HTD2: variants seen among roughly 807,000 people sequenced by gnomAD.
HTD2 encodes the protein hydroxyacyl-thioester dehydratase type 2, mitochondrial.
In HTD2, 1 loss-of-function variant was observed where a neutral mutation model predicts 3.1. The ratio of observed to expected loss-of-function variants is 0.32; its 90% CI spans 0.11 to 1.52. The LOEUF (loss-of-function observed/expected upper bound fraction) is 1.52, where lower values mean the gene tolerates loss of function less well. HTD2 is among the 40% of genes most tolerant of loss of function. The pLI, the probability that HTD2 is intolerant of heterozygous loss-of-function variation, is 0.39. For synonymous variants in HTD2, 50 were observed against 28.9 expected (o/e 1.73, Z -2.34); for missense variants, 150 against 79.6 (o/e 1.88, Z -3.36).
chr3:58,312,519 A>T (rs1189180411), intron 2 of HTD2, among the ~76,000 whole-genome samples: 1 of 152,152 alleles, frequency 6.6e-6, no homozygotes, highest in Non-Finnish European at 1.5e-5. Flanking sequence ...GTTTATTCTA[A>T]TATGCCTTCT....
At chr3:58,308,123 C>T (rs2097477658) in intron 1 of HTD2, 1 of 152,150 alleles carries the variant, frequency 6.6e-6, no homozygotes, top group Admixed American at 6.5e-5. Flanking sequence ...CTTGTTCTCC[C>T]TGCCCTTCTA....
Position 58,310,640 on chromosome 3 carries a change from A to G in HTD2, c.-331+49A>G, listed in dbSNP as rs772787654. Reference sequence around the variant, plus strand: ...AACATTCCAAAGATCTTTGTAAGAAATACAGAAAGAGGCCGGGCGCGGTAG... The same window carrying G: ...AACATTCCAAAGATCTTTGTAAGAAGTACAGAAAGAGGCCGGGCGCGGTAG... On this transcript the variant is annotated intron_variant, in intron 2 of 4. Transcript: ENST00000461393. The G allele has an allele frequency of 3.9e-6, 6 of 1,526,800 alleles. No homozygotes were observed. The Admixed American group carries it at 1.0e-4, about 25-fold the overall frequency. 94.6% of individuals were successfully genotyped at this position (1,526,800 alleles called of 1,614,324 possible).
At position 58,317,960 on chromosome 3, in the gene HTD2, C is replaced by T; in HGVS notation, c.347C>T (p.Ala116Val). 1.4e-6 allele frequency: 1 copy of T among 702,960 alleles called. No homozygotes were observed. The highest frequency in any genetic ancestry group is 1.5e-5 in the South Asian group (1 of 67,596). 43.5% of individuals were successfully genotyped at this position (702,960 alleles called of 1,614,324 possible). ...CTTTCCCAGGAAATTAGCTTTCCAG[C>T]CCCTTTATATATTGGAGAAGTTGTT... is the stretch of plus-strand genomic sequence containing the variant. ...VFLSQEISFPAPLYIGEVVLA... is the reference protein window; with the variant it reads ...VFLSQEISFPVPLYIGEVVLA... Residue 116 changes from alanine to valine, a missense_variant, in exon 5 of 5, where the codon GCC becomes GTC. By Grantham distance (64) the Ala-to-Val change is moderately conservative (BLOSUM62 0). Transcript: ENST00000461393.
intron 2 of HTD2, among the ~76,000 whole-genome samples, chr3:58,311,303 C>T (rs1461682689): frequency 6.6e-6 from 1 of 152,170 alleles, no homozygotes; most frequent in Non-Finnish European, 1.5e-5. Context: ...TACAGGCACA[C>T]GCTACCATGC....
intron 1 of HTD2, among the ~76,000 whole-genome samples, chr3:58,308,972 C>T (rs1166203759): frequency 1.3e-5 from 2 of 152,232 alleles, no homozygotes; most frequent in Non-Finnish European, 2.9e-5. Flanking sequence ...GCATGTTCTA[C>T]GTTCTTGAAA....
At chr3:58,317,028 C>T in intron 4 of HTD2, 35 bp downstream of exon 4, 1 of 1,460,374 alleles carries the variant, frequency 6.8e-7, no homozygotes, top group South Asian at 1.2e-5. Flanking sequence ...CCAAACAAGA[C>T]TGAGTGATGG....
rs1575549460 is a variant in HTD2 at position 58,318,359 on chromosome 3, T to C, written c.*239T>C. On this transcript the variant is annotated 3_prime_UTR_variant, in exon 5 of 5. Coordinates refer to ENST00000461393, the MANE Select transcript of HTD2 (RefSeq NM_001348712.2). ...CTGGGTTTTTTGTTTGTTTTTTGTT[T>C]TTTAATTCAAGAAGTAGGCTGGGCC... 1 of 382,992 alleles carries C rather than the reference T, an allele frequency of 2.6e-6. No homozygotes were observed. Among genetic ancestry groups the C allele is most frequent in the East Asian group, 4.3e-5 (1 of 23,344 alleles). 23.7% of individuals were successfully genotyped at this position (382,992 alleles called of 1,614,324 possible).
Position 58,310,219 on chromosome 3 carries a change from C to CA in HTD2, c.-415-280dup, listed in dbSNP as rs1002160792. 500 of 977,872 alleles carry CA rather than the reference C, an allele frequency of 5.1e-4. 1 individual carries two copies. In the African/African-American group the frequency reaches 5.9e-3, roughly 12 times the overall value. The allele number at this position is 977,872 out of a possible 1,614,324, so 60.6% of individuals were successfully genotyped here. On this transcript the variant is annotated intron_variant, in intron 1 of 4. Coordinates refer to ENST00000461393, the MANE Select transcript of HTD2 (RefSeq NM_001348712.2). Reference sequence around the variant, plus strand: ...GAGACCCTGCCTTAAAACAAACAAACAAAAAAAACCCAAATAGGCCAAATT... The same window carrying CA: ...GAGACCCTGCCTTAAAACAAACAAACAAAAAAAAACCCAAATAGGCCAAATT...
rs76792725 is a variant in HTD2 at position 58,308,464 on chromosome 3, G to GT, written c.-416+1824dup. 1.7e-3 allele frequency among the ~76,000 whole-genome samples: 244 copies of GT among 146,806 alleles called. 1 individual carries two copies. The highest frequency in any genetic ancestry group is 2.1e-3 in the Non-Finnish European group (136 of 66,242). On this transcript the variant is annotated intron_variant, in intron 1 of 4. Coordinates refer to ENST00000461393, the MANE Select transcript of HTD2 (RefSeq NM_001348712.2). ...ATGCCTGGTTAATTTAAGTTTTTTT[G>GT]TTTTTTTTTTTAGTGACAGGGTCTC... is the stretch of plus-strand genomic sequence containing the variant.
intron 1 of HTD2, among the ~76,000 whole-genome samples, chr3:58,309,635 T>C (rs1031589507): frequency 6.6e-6 from 1 of 152,196 alleles, no homozygotes; most frequent in Admixed American, 6.5e-5. Flanking sequence ...CTCACACCTG[T>C]AATACCGGCA....
At chr3:58,317,134 T>C (rs2097489152) in intron 4 of HTD2, 141 bp downstream of exon 4, 2 of 663,336 alleles carry the variant, frequency 3.0e-6, no homozygotes, top group African/African-American at 1.8e-5. Flanking sequence ...AGGACTTGAT[T>C]GTTTCCAAAA....
At chr3:58,312,960 C>CAAAA (rs35853424) in intron 2 of HTD2, among the ~76,000 whole-genome samples, 2 of 79,038 alleles carry the variant, frequency 2.5e-5, no homozygotes, top group Non-Finnish European at 4.8e-5. Context: ...GACTCTGTCT[C>CAAAA]AAAAAAAAAA....
At chr3:58,316,714 T>G (rs1020655899) in intron 3 of HTD2, 123 bp downstream of exon 3, 2 of 959,636 alleles carry the variant, frequency 2.1e-6, no homozygotes, top group Non-Finnish European at 3.2e-6. Flanking sequence ...TTTGGGAATT[T>G]AAACTGGGAT....
At position 58,306,599 on chromosome 3, in the gene HTD2, C is replaced by T. The variant is rs1043449871; in HGVS notation, c.-468C>T. 6.6e-6 allele frequency: 1 copy of T among 152,050 alleles called. No homozygotes were observed. The highest frequency in any genetic ancestry group is 1.9e-4 in the East Asian group (1 of 5,190). 9.4% of individuals were successfully genotyped at this position (152,050 alleles called of 1,614,324 possible). On this transcript the variant is annotated 5_prime_UTR_variant, in exon 1 of 5. Transcript: ENST00000461393. ...GGCCGCAGAACGTGGCCGAGAGGCCCGGGCGAGACTTCGGGACCGTGTCCT... is the reference window on the plus strand; with the variant it reads ...GGCCGCAGAACGTGGCCGAGAGGCCTGGGCGAGACTTCGGGACCGTGTCCT...
At position 58,317,742 on chromosome 3, in the gene HTD2, A is replaced by C; in HGVS notation, c.129A>C (p.Glu43Asp). 1.4e-6 allele frequency: 1 copy of C among 703,438 alleles called. No homozygotes were observed. Among genetic ancestry groups the C allele is most frequent in the Admixed American group, 2.0e-5 (1 of 50,014 alleles). The allele number at this position is 703,438 out of a possible 1,614,324, so 43.6% of individuals were successfully genotyped here. Residue 43 changes from glutamate to aspartate, a missense_variant, in exon 5 of 5, where the codon GAA becomes GAC. By Grantham distance (45) the Glu-to-Asp change is conservative. Transcript: ENST00000461393. ...ACATCAAAGTTGGAGACCGCGCTGA[A>C]CTTAGGAGGGCCTTCACACAGACTG... ...HMHIKVGDRA[E>D]LRRAFTQTDV... is the part of the protein sequence containing the mutation.
At position 58,310,520 on chromosome 3, in the gene HTD2, T is replaced by C. The variant is rs147980351; in HGVS notation, c.-402T>C. On this transcript the variant is annotated 5_prime_UTR_variant, in exon 2 of 5. Coordinates refer to ENST00000461393, the MANE Select transcript of HTD2 (RefSeq NM_001348712.2). Reference sequence around the variant, plus strand: ...CACTTTTTTTAGAGAATTTCAAGATTGTGGAGTTGGACTGAATGCTGCACA... The same window carrying C: ...CACTTTTTTTAGAGAATTTCAAGATCGTGGAGTTGGACTGAATGCTGCACA... 8 of 1,610,776 alleles carry C rather than the reference T, an allele frequency of 5.0e-6. No homozygotes were observed. The highest frequency in any genetic ancestry group is 6.8e-6 in the Non-Finnish European group (8 of 1,179,156).
intron 1 of HTD2, among the ~76,000 whole-genome samples, chr3:58,308,571 A>G (rs2097478266): frequency 6.6e-6 from 1 of 152,066 alleles, no homozygotes; most frequent in Non-Finnish European, 1.5e-5. Flanking sequence ...CCAGGCCCCA[A>G]AGTATTAATG....
intron 2 of HTD2, among the ~76,000 whole-genome samples, chr3:58,311,801 T>G (rs932257957): frequency 2.0e-5 from 3 of 152,108 alleles, no homozygotes; most frequent in Non-Finnish European, 4.4e-5. Context: ...TTGAATTGAT[T>G]TCCTTTCTCT....
Position 58,310,722 on chromosome 3 carries a change from GA to G in HTD2, c.-331+132del, listed in dbSNP as rs1373510885. On this transcript the variant is annotated intron_variant, in intron 2 of 4. Coordinates refer to ENST00000461393, the MANE Select transcript of HTD2 (RefSeq NM_001348712.2). ...CGAGGTGGGCAGATCATGAGGTCAAGAGATCGAGACCATCCTGGCCAACATG... is the reference window on the plus strand; with the variant it reads ...CGAGGTGGGCAGATCATGAGGTCAAGGATCGAGACCATCCTGGCCAACATG... 4 of 673,016 alleles carry G rather than the reference GA, an allele frequency of 5.9e-6. No homozygotes were observed. The East Asian group carries it at 1.1e-4, about 18-fold the overall frequency. The allele number at this position is 673,016 out of a possible 1,614,324, so 41.7% of individuals were successfully genotyped here.
Sources: allele counts gnomAD v4.1 joint callset (sites outside exome capture counted in the v4.1 genomes callset), GRCh38; gene constraint gnomAD v4.1.1; transcripts MANE v1.5; gene names NCBI Gene and HGNC (gene_info 2026-07-23, HGNC 2026-07-21).